TSSK4: variants seen among roughly 807,000 people sequenced by gnomAD.
TSSK4 encodes the protein testis-specific serine/threonine-protein kinase 4.
In TSSK4, 22 loss-of-function variants were observed where a neutral mutation model predicts 28.5. That is an observed-to-expected ratio of 0.77 (90% CI 0.55 to 1.10). TSSK4 has a LOEUF of 1.10. TSSK4 is among the 50% of genes least tolerant of loss of function. The probability of loss-of-function intolerance (pLI) is 0.00; values close to 1 mark genes in which losing one functional copy is unlikely to be tolerated. For synonymous variants in TSSK4, 151 were observed against 158.3 expected, an observed-to-expected ratio of 0.95 and a Z score of 0.35; for missense variants, 329 against 415.4, an observed-to-expected ratio of 0.79 and a Z score of 1.81.
At chr14:24,207,797 T>C (rs573809490) in intron 3 of TSSK4, 167 bp from the exon 4 acceptor site, 28 of 1,335,960 alleles carry the variant, frequency 2.1e-5, no homozygotes, top group African/African-American at 2.0e-4. Flanking sequence ...TCCCTTCCCC[T>C]CCAGGGAGTT....
rs2039539612 is a variant in TSSK4 at position 24,207,387 on chromosome 14, A to G, written c.712A>G (p.Ile238Val). The change falls in exon 3 of 4, where the codon ATC becomes GTC. Residue 238 changes from isoleucine to valine, a missense_variant. Transcript: ENST00000339917. ...FLSDTWSMGV[I>V]LYTLVVAHLP... is the part of the protein sequence containing the mutation. ...GTCTGACACCTGGAGCATGGGCGTC[A>G]TCCTTTACACTCTAGTGGTCGCCCA... 2 of 1,614,158 alleles carry G rather than the reference A, an allele frequency of 1.2e-6. No homozygotes were observed. Among genetic ancestry groups the G allele is most frequent in the African/African-American group, 2.7e-5 (2 of 75,028 alleles).
chr14:24,207,129 C>G lies in TSSK4; in HGVS notation c.454C>G (p.Leu152Val), dbSNP rs751558582. ...KSIVHRLMPS[L>V]SAAGRDLKLE... ...CCCTCTCCCCAGCCTGATGCCCAGC[C>G]TTTCTGCTGCTGGTAGGGACTTAAA... is the stretch of plus-strand genomic sequence containing the variant. Residue 152 changes from leucine to valine, a missense_variant, in exon 3 of 4, where the codon CTT becomes GTT. Transcript: ENST00000339917. 2.5e-6 allele frequency: 4 copies of G among 1,607,698 alleles called. No individual in the cohort carries two copies. In the African/African-American group the frequency reaches 5.3e-5, roughly 21 times the overall value.
chr14:24,207,656 C>G lies in TSSK4; in HGVS notation c.834+147C>G, dbSNP rs577753551. ...GCCATCTCACACACTAGCTCCTGTC[C>G]TATAATAAACAGTATGGAAGGCATA... On this transcript the variant is annotated intron_variant, in intron 3 of 3. Transcript: ENST00000339917. 1,789 of 1,037,794 alleles carry G rather than the reference C, an allele frequency of 1.7e-3. 1 individual carries two copies. The highest frequency in any genetic ancestry group is 2.2e-3 in the Non-Finnish European group (1,616 of 727,796). 64.3% of individuals were successfully genotyped at this position (1,037,794 alleles called of 1,614,324 possible). A position where few individuals can be genotyped will look rare whatever the true frequency, so the allele number is the denominator to read the frequency against.
At chr14:24,206,940 G>C (rs975216266) in intron 2 of TSSK4, 176 bp from the exon 3 acceptor site, 3 of 1,029,596 alleles carry the variant, frequency 2.9e-6, no homozygotes, top group Non-Finnish European at 4.4e-6. Flanking sequence ...GTGGTCCTCA[G>C]ATACCATCCT....
At chr14:24,207,835 A>C (rs1180355481) in intron 3 of TSSK4, 129 bp from the exon 4 acceptor site, 1 of 1,551,186 alleles carries the variant, frequency 6.4e-7, no homozygotes. Context: ...AGATAAAATC[A>C]GAGCCACACC....
chr14:24,208,014 G>C lies in TSSK4; in HGVS notation c.885G>C (p.Leu295=). The change falls in exon 4 of 4, where the codon CTG becomes CTC. Residue 295 remains leucine, a synonymous_variant. Transcript: ENST00000339917. ...AAGCCACTAAGCGTGCCACCATTCTGGACATCATCAAGGATTCCTGGGTGC... is the reference window on the plus strand; with the variant it reads ...AAGCCACTAAGCGTGCCACCATTCTCGACATCATCAAGGATTCCTGGGTGC... ...LRQATKRATI[L]DIIKDSWVLK... 2 of 1,614,188 alleles carry C rather than the reference G, an allele frequency of 1.2e-6. No homozygotes were observed. The highest frequency in any genetic ancestry group is 1.7e-6 in the Non-Finnish European group (2 of 1,180,046).
At position 24,206,698 on chromosome 14, in the gene TSSK4, C is replaced by T. The variant is rs755474318; in HGVS notation, c.415C>T (p.Leu139=). Residue 139 remains leucine (L), a synonymous_variant, in exon 2 of 4, where the codon CTG becomes TTG. Coordinates refer to ENST00000339917, the MANE Select transcript of TSSK4 (RefSeq NM_001184739.2). ...CCAGCTGACCCTGGGCATTGCCTAC[C>T]TGCACAGCAAGAGCATCGTGCACCG... ...FSQLTLGIAY[L]HSKSIVHRLM... is the part of the protein sequence containing the mutation. The T allele has an allele frequency of 3.7e-6, 6 of 1,613,816 alleles. No individual in the cohort carries two copies. Among genetic ancestry groups the T allele is most frequent in the Non-Finnish European group, 5.1e-6 (6 of 1,180,044 alleles).
chr14:24,206,649 G>A lies in TSSK4; in HGVS notation c.366G>A (p.Glu122=). 1.2e-6 allele frequency: 2 copies of A among 1,614,202 alleles called. No individual in the cohort carries two copies. Among genetic ancestry groups the A allele is most frequent in the Non-Finnish European group, 1.7e-6 (2 of 1,180,028 alleles). Residue 122 remains glutamate (E), a synonymous_variant, in exon 2 of 4, where the codon GAG becomes GAA. Transcript: ENST00000339917. ...TCCAGCGCTACGGGGCCTGCTCTGAGCCCCTTGCTGGCAAGTGGTTCTCCC... is the reference window on the plus strand; with the variant it reads ...TCCAGCGCTACGGGGCCTGCTCTGAACCCCTTGCTGGCAAGTGGTTCTCCC... ...EWIQRYGACS[E]PLAGKWFSQL... is the part of the protein sequence containing the mutation.
At chr14:24,206,215 G>T in intron 1 of TSSK4, 67 bp downstream of exon 1, 2 of 1,482,068 alleles carry the variant, frequency 1.3e-6, no homozygotes, top group South Asian at 1.1e-5. Context: ...TCTCAGAAGG[G>T]GTATGGCCAG....
intron 2 of TSSK4, 161 bp downstream of exon 2, chr14:24,206,884 C>A: frequency 1.0e-6 from 1 of 991,948 alleles, no homozygotes; most frequent in Non-Finnish European, 1.5e-6. Context: ...TGATAAAGTA[C>A]TCACTGTATG....
rs1463107950 is a variant in TSSK4 at position 24,207,951 on chromosome 14, T to C, written c.835-13T>C. ...GAAAAACTCAGGCAAGACCTCTCTC[T>C]CCCCTGCTCTAGAACCTGATCCTCC... On this transcript the variant is annotated splice_polypyrimidine_tract_variant and intron_variant, in intron 3 of 3. Coordinates refer to ENST00000339917, the MANE Select transcript of TSSK4 (RefSeq NM_001184739.2). 4 of 1,613,988 alleles carry C rather than the reference T, an allele frequency of 2.5e-6. No individual in the cohort carries two copies. Among genetic ancestry groups the C allele is most frequent in the African/African-American group, 1.3e-5 (1 of 75,014 alleles).
Position 24,207,448 on chromosome 14 carries a change from T to C in TSSK4, c.773T>C (p.Leu258Pro), listed in dbSNP as rs1465161160. ...GATGACACCAATCTCAAAAAGCTGC[T>C]AAGAGAGACTCAGAAGGAGGTCACT... The part of the protein sequence containing the change: ...PFDDTNLKKL[L>P]RETQKEVTFP... The change falls in exon 3 of 4, where the codon CTA becomes CCA. Residue 258 changes from leucine (L) to proline (P), a missense_variant. By Grantham distance (98) the Leu-to-Pro change is moderately conservative (BLOSUM62 -3). Around this residue, in one of 3 missense-constraint regions of TSSK4, gnomAD observed 139 missense variants for 178.1 expected, o/e 0.78. Coordinates refer to ENST00000339917, the MANE Select transcript of TSSK4 (RefSeq NM_001184739.2). The C allele has an allele frequency of 1.2e-6, 2 of 1,614,158 alleles. No homozygotes were observed. Among genetic ancestry groups the C allele is most frequent in the Non-Finnish European group, 1.7e-6 (2 of 1,180,018 alleles).
rs146066616 is a variant in TSSK4, at chr14:24,206,027, C to T, written c.104C>T (p.Ser35Phe). 3.3e-4 allele frequency: 532 copies of T among 1,614,166 alleles called. 2 individuals are homozygous for T. The South Asian group carries it at 3.3e-3, about 10-fold the overall frequency. Residue 35 changes from serine to phenylalanine, a missense_variant, in exon 1 of 4, where the codon TCC (serine) becomes TTC (phenylalanine). Coordinates refer to ENST00000339917, the MANE Select transcript of TSSK4 (RefSeq NM_001184739.2). The part of the protein sequence containing the change: ...YEVGKAIGHG[S>F]YGSVYEAFYT... ...GTGGGCAAGGCCATTGGCCATGGCTCCTATGGGTCGGTATATGAGGCTTTC... is the reference window on the plus strand; with the variant it reads ...GTGGGCAAGGCCATTGGCCATGGCTTCTATGGGTCGGTATATGAGGCTTTC...
At chr14:24,207,790 C>T in intron 3 of TSSK4, 174 bp from the exon 4 acceptor site, 4 of 1,290,996 alleles carry the variant, frequency 3.1e-6, no homozygotes, top group Admixed American at 2.0e-5. Flanking sequence ...GAACTCTTCC[C>T]TTCCCCTCCA....
intron 1 of TSSK4, among the ~76,000 whole-genome samples, 158 bp from the exon 2 acceptor site, chr14:24,206,351 A>G (rs1566656106): frequency 6.6e-6 from 1 of 152,242 alleles, no homozygotes; most frequent in African/African-American, 2.4e-5. Flanking sequence ...AAGTAAAGGC[A>G]CAAAACATAG....
intron 2 of TSSK4, 21 bp from the exon 3 acceptor site, chr14:24,207,095 A>G (rs1438041016): frequency 6.2e-7 from 1 of 1,601,908 alleles, no homozygotes; most frequent in Non-Finnish European, 8.5e-7. Flanking sequence ...CTCCCAGTCT[A>G]AAACTAAGCC....
chr14:24,205,816 G>T lies in TSSK4; in HGVS notation c.-108G>T. ...GTGTGACTATATAGGCAAGCATTTG[G>T]GGACCTACTTCACTTTGATACCCTA... is the stretch of plus-strand genomic sequence containing the variant. On this transcript the variant is annotated 5_prime_UTR_variant, in exon 1 of 4. Coordinates refer to ENST00000339917, the MANE Select transcript of TSSK4 (RefSeq NM_001184739.2). 1.3e-6 allele frequency: 1 copy of T among 774,002 alleles called. No individual in the cohort carries two copies. 47.9% of individuals were successfully genotyped at this position (774,002 alleles called of 1,614,324 possible). A position where few individuals can be genotyped will look rare whatever the true frequency, so the allele number is the denominator to read the frequency against.
chr14:24,208,002 T>G lies in TSSK4; in HGVS notation c.873T>G (p.Arg291=). 1 of 1,614,210 alleles carries G rather than the reference T, an allele frequency of 6.2e-7. No homozygotes were observed. The highest frequency in any genetic ancestry group is 8.5e-7 in the Non-Finnish European group (1 of 1,180,030). ...ILQMLRQATK[R]ATILDIIKDS... ...AGATGCTACGCCAAGCCACTAAGCG[T>G]GCCACCATTCTGGACATCATCAAGG... The change falls in exon 4 of 4, where the codon CGT becomes CGG. Residue 291 remains arginine (R), a synonymous_variant. Coordinates refer to ENST00000339917, the MANE Select transcript of TSSK4 (RefSeq NM_001184739.2).
At chr14:24,206,365 T>A in intron 1 of TSSK4, 144 bp from the exon 2 acceptor site, 1 of 961,812 alleles carries the variant, frequency 1.0e-6, no homozygotes, top group Non-Finnish European at 1.6e-6. Flanking sequence ...AACATAGCAT[T>A]TGCCCACAGG....
Sources: gnomAD v4.1 joint callset for allele counts (sites outside exome capture counted in the v4.1 genomes callset) on GRCh38, gnomAD v4.1.1 for gene constraint, gnomAD v4.1.1 regional missense constraint, MANE v1.5 for transcripts, NCBI Gene and HGNC (gene_info 2026-07-23, HGNC 2026-07-21) for gene names.